PDCD11: variants seen among roughly 807,000 people sequenced by gnomAD.
The protein encoded by PDCD11 is programmed cell death 11, also known as protein RRP5 homolog.
Under a neutral mutation model 198.9 loss-of-function variants are expected in PDCD11, and 97 were observed. The ratio of observed to expected loss-of-function variants is 0.49; its 90% CI spans 0.41 to 0.58. The LOEUF (loss-of-function observed/expected upper bound fraction) is 0.58. Ranked by LOEUF, PDCD11 falls within the 20% of genes least tolerant of loss-of-function variation. The probability of loss-of-function intolerance (pLI) is 0.00; values close to 1 mark genes in which losing one functional copy is unlikely to be tolerated. For missense variants in PDCD11, 2,102 were observed against 2,312.7 expected (o/e 0.91, Z 1.87); for synonymous variants, 893 against 918.0 (o/e 0.97, Z 0.49).
At chr10:103,438,352 G>T (rs536632955) in intron 26 of PDCD11, among the ~76,000 whole-genome samples, 1 of 152,298 alleles carries the variant, frequency 6.6e-6, no homozygotes, top group South Asian at 2.1e-4. Context: ...TAGCCTCCAG[G>T]GTTCCATTGT....
chr10:103,435,666 T>C (rs769373932), intron 25 of PDCD11, among the ~76,000 whole-genome samples: 3 of 152,170 alleles, frequency 2.0e-5, no homozygotes, highest in African/African-American at 4.8e-5. Context: ...GCATGCGCCA[T>C]GACGCCTGGC....
intron 20 of PDCD11, among the ~76,000 whole-genome samples, chr10:103,426,919 C>A (rs865880068): frequency 6.7e-6 from 1 of 150,054 alleles, no homozygotes. Context: ...TGGTGAGACC[C>A]CATCTCTACA....
At position 103,419,530 on chromosome 10, in the gene PDCD11, A is replaced by G. The variant is rs769404285; in HGVS notation, c.2107-8A>G. On this transcript the variant is annotated splice_polypyrimidine_tract_variant and splice_region_variant and intron_variant, in intron 15 of 35. Coordinates refer to ENST00000369797, the MANE Select transcript of PDCD11 (RefSeq NM_014976.2). ...TTTCTGGAACATTCCTTGATGAAGTACCACTAGCTTCTTTGCAGGAAGCCA... is the reference window on the plus strand; with the variant it reads ...TTTCTGGAACATTCCTTGATGAAGTGCCACTAGCTTCTTTGCAGGAAGCCA... 4 of 1,611,820 alleles carry G rather than the reference A, an allele frequency of 2.5e-6. No homozygotes were observed. The highest frequency in any genetic ancestry group is 1.1e-5 in the South Asian group (1 of 90,716).
At chr10:103,417,179 C>CTT (rs112206729) in intron 13 of PDCD11, among the ~76,000 whole-genome samples, 1 of 146,672 alleles carries the variant, frequency 6.8e-6, no homozygotes, top group African/African-American at 2.5e-5. Flanking sequence ...TTTTCTTTTC[C>CTT]TTTTTTTTTT....
chr10:103,422,897 G>C lies in PDCD11; in HGVS notation c.2498-91G>C, dbSNP rs554210168. On this transcript the variant is annotated intron_variant, in intron 17 of 35. Coordinates refer to ENST00000369797, the MANE Select transcript of PDCD11 (RefSeq NM_014976.2). The stretch of plus-strand genomic sequence containing the variant: ...TTGTCAGTGGTTCCAGTGCTCCACT[G>C]TCCTCCGTGGTGATAGCACACTGCC... The C allele has an allele frequency of 3.0e-5, 36 of 1,203,866 alleles. No homozygotes were observed. In the African/African-American group the frequency reaches 4.8e-4, roughly 16 times the overall value. 74.6% of individuals were successfully genotyped at this position (1,203,866 alleles called of 1,614,324 possible).
At chr10:103,402,341 C>G (rs1485933654) in intron 3 of PDCD11, among the ~76,000 whole-genome samples, 1 of 152,200 alleles carries the variant, frequency 6.6e-6, no homozygotes, top group Non-Finnish European at 1.5e-5. Flanking sequence ...AGACCTTTTA[C>G]AGTGCTCGGT....
At position 103,415,062 on chromosome 10, in the gene PDCD11, A is replaced by T; in HGVS notation, c.1429A>T (p.Arg477Trp). Residue 477 changes from arginine (R) to tryptophan (W), a missense_variant, in exon 12 of 36, where the codon AGG (arginine) becomes TGG (tryptophan). Transcript: ENST00000369797. ...GCTGGTGAAGGTGGGCGAGCAGATGAGGGGCCTGGTACCTCCCATGCACCT... is the reference window on the plus strand; with the variant it reads ...GCTGGTGAAGGTGGGCGAGCAGATGTGGGGCCTGGTACCTCCCATGCACCT... Reference protein sequence around the residue: ...GMLVKVGEQMRGLVPPMHLAD... With the variant: ...GMLVKVGEQMWGLVPPMHLAD... The T allele has an allele frequency of 6.2e-7, 1 of 1,614,126 alleles. No individual in the cohort carries two copies. Among genetic ancestry groups the T allele is most frequent in the Non-Finnish European group, 8.5e-7 (1 of 1,180,006 alleles).
At chr10:103,443,354 C>T (rs781773588) in intron 33 of PDCD11, 21 bp downstream of exon 33, 10 of 1,585,382 alleles carry the variant, frequency 6.3e-6, no homozygotes, top group East Asian at 2.3e-5. Context: ...GGGCCACAGA[C>T]GAACTCCTGG....
intron 20 of PDCD11, 97 bp from the exon 21 acceptor site, chr10:103,427,232 T>G: frequency 2.3e-5 from 25 of 1,075,488 alleles, no homozygotes; most frequent in Non-Finnish European, 3.5e-5. Context: ...GGTGCTTTTG[T>G]GAGCTTGGTT....
rs532167140 is a variant in PDCD11 at position 103,433,669 on chromosome 10, C to T, written c.3475-279C>T. The stretch of plus-strand genomic sequence containing the variant: ...TACAGAGGTCTGTGGGATTGGTTCT[C>T]CAGTTTGAGGACATCTCTGGAGTCT... On this transcript the variant is annotated intron_variant, in intron 22 of 35. Coordinates refer to ENST00000369797, the MANE Select transcript of PDCD11 (RefSeq NM_014976.2). Among the ~76,000 whole-genome samples, 27 of 152,306 alleles carry T rather than the reference C, an allele frequency of 1.8e-4. 1 individual carries two copies. The highest frequency in any genetic ancestry group is 1.0e-3 in the South Asian group (5 of 4,828).
At chr10:103,434,727 G>A in intron 24 of PDCD11, 71 bp from the exon 25 acceptor site, 2 of 1,322,660 alleles carry the variant, frequency 1.5e-6, no homozygotes, top group Non-Finnish European at 2.1e-6. Flanking sequence ...CCCAGCCTGT[G>A]TGTGGCTGGC....
At chr10:103,411,931 T>C (rs2030828851) in intron 8 of PDCD11, among the ~76,000 whole-genome samples, 2 of 152,188 alleles carry the variant, frequency 1.3e-5, no homozygotes, top group Admixed American at 6.5e-5. Flanking sequence ...ATCAGCTCCT[T>C]GGTGTTGAGG....
At chr10:103,432,051 C>T in intron 21 of PDCD11, 78 bp from the exon 22 acceptor site, 1 of 1,087,186 alleles carries the variant, frequency 9.2e-7, no homozygotes, top group Non-Finnish European at 1.4e-6. Context: ...AATCCGTGGC[C>T]ACTTGGGAGA....
At chr10:103,397,888 C>T (rs1253022411) in intron 1 of PDCD11, among the ~76,000 whole-genome samples, 2 of 152,212 alleles carry the variant, frequency 1.3e-5, no homozygotes, top group African/African-American at 4.8e-5. Flanking sequence ...CATGTCTTTT[C>T]TCACATTCCC....
intron 8 of PDCD11, among the ~76,000 whole-genome samples, chr10:103,411,613 TGCCTAG>T (rs1350224200): frequency 6.6e-6 from 1 of 152,120 alleles, no homozygotes; most frequent in African/African-American, 2.4e-5. Flanking sequence ...ATGATCCTCC[TGCCTAG>T]GCCTCCTAAA....
At chr10:103,443,082 A>G (rs1592143981) in intron 32 of PDCD11, 83 bp from the exon 33 acceptor site, 7 of 1,200,994 alleles carry the variant, frequency 5.8e-6, no homozygotes, top group East Asian at 2.5e-5. Context: ...TGGGAGGGGG[A>G]GGTGGTTCCT....
At chr10:103,423,168 G>T (rs771275900) in intron 18 of PDCD11, 31 bp downstream of exon 18, 7 of 1,515,126 alleles carry the variant, frequency 4.6e-6, no homozygotes, top group Non-Finnish European at 5.3e-6. Flanking sequence ...CATTGTGGTT[G>T]GTGGGAGGAC....
In PDCD11 at chr10:103,428,495, A is replaced by G. The variant is rs1001925314; in HGVS notation, c.3368+1104A>G. On this transcript the variant is annotated intron_variant, in intron 21 of 35. Transcript: ENST00000369797. ...TAGATTTTGATTGTATTTATCCTCC[A>G]GTCTTTGTTGGAAAAATGAAGAAAC... is the stretch of plus-strand genomic sequence containing the variant. Among the ~76,000 whole-genome samples the G allele has an allele frequency of 2.6e-5, 4 of 152,114 alleles. No individual in the cohort carries two copies. The East Asian group carries it at 7.7e-4, about 29-fold the overall frequency.
At position 103,415,036 on chromosome 10, in the gene PDCD11, T is replaced by C. The variant is rs760346377; in HGVS notation, c.1403T>C (p.Met468Thr). Residue 468 changes from methionine (M) to threonine (T), a missense_variant, in exon 12 of 36, where the codon ATG becomes ACG. By Grantham distance (81) the Met-to-Thr change is moderately conservative. Coordinates refer to ENST00000369797, the MANE Select transcript of PDCD11 (RefSeq NM_014976.2). The part of the protein sequence containing the change: ...GTVLTIKSYG[M>T]LVKVGEQMRG... ...GTGCTAACCATAAAGTCATATGGGA[T>C]GCTGGTGAAGGTGGGCGAGCAGATG... 1.9e-5 allele frequency: 31 copies of C among 1,614,136 alleles called. No homozygotes were observed. In the South Asian group the frequency reaches 3.0e-4, roughly 15 times the overall value.
Sources: allele counts gnomAD v4.1 joint callset (sites outside exome capture counted in the v4.1 genomes callset), GRCh38; gene constraint gnomAD v4.1.1; transcripts MANE v1.5; gene names NCBI Gene and HGNC (gene_info 2026-07-23, HGNC 2026-07-21).